The following CCDC7 variants were observed in gnomAD, a reference collection of about 807,000 sequenced individuals.
The protein encoded by CCDC7 is coiled-coil domain containing 7.
CCDC7 carries 183 observed loss-of-function variants against 196.9 expected under a neutral mutation model. The observed-to-expected ratio is 0.93, with a 90% confidence interval of 0.82 to 1.05. CCDC7 has a LOEUF of 1.05. Ranked by LOEUF, CCDC7 falls within the 50% of genes least tolerant of loss-of-function variation. The pLI is 0.00. For missense variants in CCDC7, 1,540 were observed against 1,482.2 expected, an observed-to-expected ratio of 1.04 and a Z score of -0.64; for synonymous variants, 525 against 484.6, an observed-to-expected ratio of 1.08 and a Z score of -1.10.
chr10:32,679,611 C>A (rs16915634), intron 21 of CCDC7, among the ~76,000 whole-genome samples: 21,069 of 152,172 alleles, frequency 0.14, 1,768 homozygotes, highest in East Asian at 0.25. Context: ...GACAACATTC[C>A]CCTTACAGAT....
At chr10:32,791,045 T>C (rs931056937) in intron 29 of CCDC7, among the ~76,000 whole-genome samples, 13 of 152,162 alleles carry the variant, frequency 8.5e-5, no homozygotes, top group African/African-American at 3.1e-4. Context: ...CCTTTGTCAC[T>C]GAGAACCCTA....
chr10:32,702,998 G>T (rs1436517693), intron 24 of CCDC7, among the ~76,000 whole-genome samples: 2 of 152,140 alleles, frequency 1.3e-5, no homozygotes, highest in Non-Finnish European at 2.9e-5. Context: ...TTTAATTGGA[G>T]CTTTTAGCCT....
intron 8 of CCDC7, among the ~76,000 whole-genome samples, chr10:32,479,295 C>G (rs748959771): frequency 1.2e-4 from 19 of 152,072 alleles, no homozygotes; most frequent in Non-Finnish European, 2.4e-4. Flanking sequence ...TTATCTTGTT[C>G]TTCATCTTAG....
chr10:32,711,670 G>T (rs912270455), exon 25 of CCDC7: 3 of 1,597,256 alleles, frequency 1.9e-6, no homozygotes, highest in Non-Finnish European at 2.6e-6. Context: ...TCAAGATTCA[G>T]TGTCAAAAAT....
At chr10:32,676,507 TCAAA>T (rs1364961496) in intron 21 of CCDC7, among the ~76,000 whole-genome samples, 3 of 151,576 alleles carry the variant, frequency 2.0e-5, no homozygotes, top group African/African-American at 7.3e-5. Context: ...TACAATGAAC[TCAAA>T]CAAATTTACA....
chr10:32,668,568 T>G (rs1274938592), intron 21 of CCDC7, among the ~76,000 whole-genome samples: 1 of 152,212 alleles, frequency 6.6e-6, no homozygotes, highest in African/African-American at 2.4e-5. Flanking sequence ...TATTGAGAAT[T>G]TTTTAGCATG....
At chr10:32,839,609 A>G (rs902554979) in intron 33 of CCDC7, among the ~76,000 whole-genome samples, 9 of 152,088 alleles carry the variant, frequency 5.9e-5, no homozygotes, top group African/African-American at 2.2e-4. Flanking sequence ...GCAGAAAGTC[A>G]ACAAAGAAAC....
intron 28 of CCDC7, among the ~76,000 whole-genome samples, chr10:32,744,962 G>T (rs11009061): frequency 0.14 from 21,060 of 152,084 alleles, 1,762 homozygotes; most frequent in East Asian, 0.25. Context: ...TTTCTATTTA[G>T]ACCTATGATA....
intron 1 of CCDC7, 163 bp downstream of exon 1, chr10:32,446,560 C>G (rs1323107529): frequency 1.3e-5 from 2 of 152,160 alleles, no homozygotes; most frequent in Non-Finnish European, 2.9e-5. Context: ...CATCCTTTCC[C>G]TACGTCCCCT....
intron 32 of CCDC7, among the ~76,000 whole-genome samples, chr10:32,832,902 T>C (rs1005800936): frequency 6.6e-6 from 1 of 152,106 alleles, no homozygotes; most frequent in Non-Finnish European, 1.5e-5. Flanking sequence ...GTAATAGGCA[T>C]GCAATATATT....
chr10:32,597,872 C>G (rs975376508), intron 18 of CCDC7, among the ~76,000 whole-genome samples: 3 of 152,230 alleles, frequency 2.0e-5, no homozygotes, highest in Non-Finnish European at 4.4e-5. Context: ...GAAGCTTCGT[C>G]TCAGAGGGGC....
chr10:32,801,013 C>T (rs2084679857), intron 29 of CCDC7, among the ~76,000 whole-genome samples: 1 of 152,220 alleles, frequency 6.6e-6, no homozygotes, highest in South Asian at 2.1e-4. Context: ...ACTATGCCCA[C>T]CTTGCCTTTG....
chr10:32,714,893 C>G (rs2081356590), intron 25 of CCDC7, among the ~76,000 whole-genome samples: 2 of 152,186 alleles, frequency 1.3e-5, no homozygotes, highest in Non-Finnish European at 2.9e-5. Flanking sequence ...AGGCAGTAGC[C>G]CCAGCCAGGG....
rs867506247 is a variant in CCDC7, at chr10:32,782,197, T to C, written c.3013+3113T>C. 6.6e-5 allele frequency among the ~76,000 whole-genome samples: 10 copies of C among 151,318 alleles called. No homozygotes were observed. The Admixed American group carries it at 6.6e-4, about 10-fold the overall frequency. On this transcript the variant is annotated intron_variant, in intron 29 of 41. Transcript: ENST00000639629. ...AAATAAATGGAAAGACATCTCATGT[T>C]CATGGATTAGAAGATAACTTGTTTT...
chr10:32,628,950 C>T (rs2064437857), intron 18 of CCDC7, among the ~76,000 whole-genome samples: 1 of 152,062 alleles, frequency 6.6e-6, no homozygotes, highest in Non-Finnish European at 1.5e-5. Flanking sequence ...GCTGCATGTG[C>T]TTGAGAAGAA....
chr10:32,832,395 C>A (rs556560030), intron 32 of CCDC7, among the ~76,000 whole-genome samples: 4 of 151,916 alleles, frequency 2.6e-5, no homozygotes, highest in African/African-American at 9.7e-5. Flanking sequence ...CCCAGTTACT[C>A]ATGAGGCTGA....
rs1169015019 is a variant in CCDC7, at chr10:32,731,747, G to A, written c.2905+2290G>A. 2.0e-5 allele frequency among the ~76,000 whole-genome samples: 3 copies of A among 152,076 alleles called. No homozygotes were observed. In the South Asian group the frequency reaches 6.2e-4, roughly 32 times the overall value. ...ACATTTATTTAAGTTGTATTGTCTA[G>A]TGTAAAGTCTTATAAAACTGATAGG... On this transcript the variant is annotated intron_variant, in intron 28 of 41. Transcript: ENST00000639629.
At chr10:32,565,752 T>C in intron 14 of CCDC7, 132 bp downstream of exon 15, 1 of 861,508 alleles carries the variant, frequency 1.2e-6, no homozygotes. Context: ...AGGTTTAAAC[T>C]ATATTCATTT....
chr10:32,461,583 T>G (rs2035626901), intron 3 of CCDC7, among the ~76,000 whole-genome samples: 1 of 151,400 alleles, frequency 6.6e-6, no homozygotes, highest in South Asian at 2.1e-4. Context: ...AGAGTTGTAT[T>G]GAGAAGATAG....
Sources: gnomAD v4.1 joint callset for allele counts (sites outside exome capture counted in the v4.1 genomes callset) on GRCh38, gnomAD v4.1.1 for gene constraint, MANE v1.5 for transcripts, NCBI Gene and HGNC (gene_info 2026-07-23, HGNC 2026-07-21) for gene names.